CFAP61: variants seen among roughly 807,000 people sequenced by gnomAD.
CFAP61 encodes the protein cilia and flagella associated protein 61.
In CFAP61, 107 loss-of-function variants were observed where a neutral mutation model predicts 135.6. That is an observed-to-expected ratio of 0.79 (90% CI 0.67 to 0.93). The LOEUF (loss-of-function observed/expected upper bound fraction) is 0.93, where lower values mean the gene tolerates loss of function less well. Ranked by LOEUF, CFAP61 falls within the 40% of genes least tolerant of loss-of-function variation. The pLI, the probability that CFAP61 is intolerant of heterozygous loss-of-function variation, is 0.00. For synonymous variants in CFAP61, 575 were observed against 578.5 expected, an observed-to-expected ratio of 0.99 and a Z score of 0.09; for missense variants, 1,507 against 1,556.2, an observed-to-expected ratio of 0.97 and a Z score of 0.53.
chr20:20,099,644 A>G (rs781271370), intron 8 of CFAP61, among the ~76,000 whole-genome samples: 1 of 152,232 alleles, frequency 6.6e-6, no homozygotes, highest in African/African-American at 2.4e-5. Context: ...TCAACACTCA[A>G]TAAATGTTGA....
At chr20:20,124,394 T>C (rs1397102096) in intron 8 of CFAP61, among the ~76,000 whole-genome samples, 2 of 151,824 alleles carry the variant, frequency 1.3e-5, no homozygotes, top group African/African-American at 4.9e-5. Context: ...ATAGCTTTTA[T>C]TACATTGAGG....
chr20:20,090,612 C>T (rs1331767897), intron 6 of CFAP61, among the ~76,000 whole-genome samples: 4 of 148,452 alleles, frequency 2.7e-5, no homozygotes, highest in Non-Finnish European at 5.9e-5. Flanking sequence ...ATCGCTTGAA[C>T]CCGGGAAGCA....
At chr20:20,192,354 C>T (rs1052337099) in intron 15 of CFAP61, among the ~76,000 whole-genome samples, 3 of 152,054 alleles carry the variant, frequency 2.0e-5, no homozygotes, top group African/African-American at 7.3e-5. Context: ...CCTGTTCTGT[C>T]TCAGGGAGCC....
chr20:20,175,767 A>G (rs2054584355), intron 13 of CFAP61, among the ~76,000 whole-genome samples: 1 of 151,874 alleles, frequency 6.6e-6, no homozygotes, highest in Non-Finnish European at 1.5e-5. Flanking sequence ...TCCTGACCTC[A>G]TGATCCACTC....
chr20:20,253,463 CTG>C (rs1255547972), intron 20 of CFAP61: 2 of 344,064 alleles, frequency 5.8e-6, no homozygotes, highest in Non-Finnish European at 1.1e-5. Flanking sequence ...ACCCTGAGCT[CTG>C]TGAGTCTGGC....
intron 17 of CFAP61, chr20:20,225,158 CCCTT>C (rs2048651074): frequency 6.6e-6 from 1 of 152,172 alleles, no homozygotes; most frequent in African/African-American, 2.4e-5. Context: ...GCAAAATAAA[CCCTT>C]CATAAAGCAG....
At chr20:20,344,727 T>A (rs1256236369) in intron 26 of CFAP61, among the ~76,000 whole-genome samples, 2 of 152,190 alleles carry the variant, frequency 1.3e-5, no homozygotes, top group Non-Finnish European at 2.9e-5. Context: ...AGCTGCCATA[T>A]GACCCACCAG....
chr20:20,083,045 C>T (rs768611249), intron 6 of CFAP61, among the ~76,000 whole-genome samples: 8 of 152,108 alleles, frequency 5.3e-5, no homozygotes, highest in African/African-American at 9.7e-5. Flanking sequence ...TGTATACACA[C>T]GTTTATAGCA....
chr20:20,204,769 A>C (rs2056786592), intron 17 of CFAP61, among the ~76,000 whole-genome samples: 1 of 152,146 alleles, frequency 6.6e-6, no homozygotes, highest in South Asian at 2.1e-4. Context: ...TTTTTTCAGC[A>C]TCATATATGC....
At chr20:20,143,001 A>G in intron 9 of CFAP61, 53 bp downstream of exon 9, 1 of 1,074,434 alleles carries the variant, frequency 9.3e-7, no homozygotes, top group East Asian at 2.6e-5. Flanking sequence ...CCTGGGGGCT[A>G]CCTGTGACAT....
chr20:20,323,487 G>A (rs1439319324), intron 25 of CFAP61: 2 of 205,334 alleles, frequency 9.7e-6, no homozygotes, highest in Non-Finnish European at 1.7e-5. Flanking sequence ...TTTTTAGCAC[G>A]TGAAAGTCTC....
At chr20:20,093,807 G>T (rs2047376378) in intron 7 of CFAP61, among the ~76,000 whole-genome samples, 1 of 151,996 alleles carries the variant, frequency 6.6e-6, no homozygotes, top group African/African-American at 2.4e-5. Flanking sequence ...CCTGTTGCAG[G>T]GGTACACTCA....
At chr20:20,064,854 A>G (rs1329758483) in intron 2 of CFAP61, among the ~76,000 whole-genome samples, 1 of 152,170 alleles carries the variant, frequency 6.6e-6, no homozygotes, top group Non-Finnish European at 1.5e-5. Context: ...AATGAGTCTA[A>G]ATTTGTGTGG....
chr20:20,266,171 T>C (rs2052725874), intron 21 of CFAP61, among the ~76,000 whole-genome samples: 1 of 152,218 alleles, frequency 6.6e-6, no homozygotes. Context: ...CATATAGAAA[T>C]ACAAATTCAT....
chr20:20,125,010 G>A (rs2049961535), intron 8 of CFAP61, among the ~76,000 whole-genome samples: 1 of 151,708 alleles, frequency 6.6e-6, no homozygotes, highest in African/African-American at 2.4e-5. Context: ...TGTGTATAAA[G>A]GTGTTCATAG....
At chr20:20,089,436 C>T (rs368829390) in intron 6 of CFAP61, among the ~76,000 whole-genome samples, 21 of 151,438 alleles carry the variant, frequency 1.4e-4, no homozygotes, top group South Asian at 6.3e-4. Flanking sequence ...CTGCTATTAA[C>T]GTCAAAGAGA....
At chr20:20,284,140 C>T (rs2054398499) in intron 22 of CFAP61, among the ~76,000 whole-genome samples, 1 of 152,076 alleles carries the variant, frequency 6.6e-6, no homozygotes, top group South Asian at 2.1e-4. Context: ...TTAGGTCTAC[C>T]ATTTTATTAT....
chr20:20,319,264 T>C (rs1018842834), intron 25 of CFAP61, among the ~76,000 whole-genome samples: 1 of 152,228 alleles, frequency 6.6e-6, no homozygotes, highest in African/African-American at 2.4e-5. Flanking sequence ...ATCAAACTGG[T>C]GTCAGATTTT....
chr20:20,122,644 G>A (rs182341661), intron 8 of CFAP61, among the ~76,000 whole-genome samples: 59 of 152,248 alleles, frequency 3.9e-4, no homozygotes, highest in Middle Eastern at 3.4e-3. Context: ...ATATATCACA[G>A]TTTCTTTTTC....
Sources: gnomAD v4.1 joint callset for allele counts (sites outside exome capture counted in the v4.1 genomes callset) on GRCh38, gnomAD v4.1.1 for gene constraint, MANE v1.5 for transcripts, NCBI Gene and HGNC (gene_info 2026-07-23, HGNC 2026-07-21) for gene names.